The following KIAA1328 variants were observed in gnomAD, a reference collection of about 807,000 sequenced individuals.
KIAA1328 encodes the protein KIAA1328, also known as protein hinderin.
In KIAA1328, 52 loss-of-function variants were observed where a neutral mutation model predicts 68.1. The ratio of observed to expected loss-of-function variants is 0.76; its 90% confidence interval spans 0.61 to 0.96. KIAA1328 has a LOEUF of 0.96. KIAA1328 is among the 40% of genes least tolerant of loss of function. The pLI is 0.00. For missense variants in KIAA1328, 641 were observed against 677.6 expected (o/e 0.95, Z 0.60); for synonymous variants, 232 against 239.4 (o/e 0.97, Z 0.28).
rs2053660414 is a variant in KIAA1328 at position 37,003,383 on chromosome 18, A to T, written c.576+43948A>T. ...CCTGCACGGCACTAAAGAAGTAATC[A>T]ACAGAGTAATCAGACAACCTGTTGA... On this transcript the variant is annotated intron_variant, in intron 6 of 9. Coordinates refer to ENST00000280020, the MANE Select transcript of KIAA1328 (RefSeq NM_020776.3). Among the ~76,000 whole-genome samples, 3 of 152,244 alleles carry T rather than the reference A, an allele frequency of 2.0e-5. No individual in the cohort carries two copies. In the East Asian group the frequency reaches 5.8e-4, roughly 29 times the overall value.
intron 5 of KIAA1328, among the ~76,000 whole-genome samples, chr18:36,917,022 A>T (rs898327412): frequency 3.9e-5 from 6 of 152,164 alleles, no homozygotes; most frequent in African/African-American, 1.4e-4. Context: ...AACAAAAAAA[A>T]TCTTAGCATC....
At chr18:36,934,262 A>T (rs1025182598) in intron 5 of KIAA1328, among the ~76,000 whole-genome samples, 2 of 151,894 alleles carry the variant, frequency 1.3e-5, no homozygotes, top group Non-Finnish European at 2.9e-5. Flanking sequence ...CTCTCTGGAA[A>T]TTGGCTCAGA....
At chr18:37,020,550 T>A (rs2054309227) in intron 6 of KIAA1328, among the ~76,000 whole-genome samples, 1 of 152,236 alleles carries the variant, frequency 6.6e-6, no homozygotes. Flanking sequence ...GAACAGGAAT[T>A]TTTCAGAATG....
intron 7 of KIAA1328, among the ~76,000 whole-genome samples, chr18:37,149,210 C>T (rs1459232907): frequency 6.6e-6 from 1 of 152,104 alleles, no homozygotes; most frequent in Non-Finnish European, 1.5e-5. Context: ...GGTACAAAGA[C>T]AAACACATGG....
chr18:36,990,579 G>A (rs1228576178), intron 6 of KIAA1328, among the ~76,000 whole-genome samples: 2 of 151,960 alleles, frequency 1.3e-5, no homozygotes, highest in African/African-American at 4.8e-5. Flanking sequence ...GCTGAGGCAG[G>A]AGAATTGCTT....
chr18:36,901,447 T>C (rs1194921339), intron 5 of KIAA1328, among the ~76,000 whole-genome samples: 1 of 152,056 alleles, frequency 6.6e-6, no homozygotes, highest in Admixed American at 6.6e-5. Context: ...CCAACACTTG[T>C]GGATGCTTTT....
intron 6 of KIAA1328, among the ~76,000 whole-genome samples, chr18:37,040,404 C>G (rs1165490882): frequency 6.6e-6 from 1 of 152,092 alleles, no homozygotes; most frequent in Non-Finnish European, 1.5e-5. Context: ...TCTATAAGGT[C>G]AGCAGTCTGA....
chr18:37,102,453 T>C (rs2057650372), intron 7 of KIAA1328, among the ~76,000 whole-genome samples: 1 of 152,166 alleles, frequency 6.6e-6, no homozygotes, highest in Admixed American at 6.5e-5. Context: ...AAATGTGGTA[T>C]ATCACATCAA....
intron 6 of KIAA1328, among the ~76,000 whole-genome samples, chr18:37,037,002 A>C (rs987999155): frequency 6.6e-6 from 1 of 152,138 alleles, no homozygotes; most frequent in African/African-American, 2.4e-5. Flanking sequence ...TAATTTTTTG[A>C]ATTTTCATCA....
At chr18:37,063,526 C>T (rs2056232187) in intron 6 of KIAA1328, 1 of 420,254 alleles carries the variant, frequency 2.4e-6, no homozygotes, top group South Asian at 1.0e-4. Flanking sequence ...CACAGGTCCT[C>T]CCTACACTCA....
chr18:37,024,711 C>T (rs2054495424), intron 6 of KIAA1328, among the ~76,000 whole-genome samples: 1 of 152,128 alleles, frequency 6.6e-6, no homozygotes, highest in African/African-American at 2.4e-5. Flanking sequence ...ATGAACTCAT[C>T]ATTTTTTATT....
At chr18:37,082,720 A>G (rs1024632660) in intron 7 of KIAA1328, among the ~76,000 whole-genome samples, 1 of 152,238 alleles carries the variant, frequency 6.6e-6, no homozygotes, top group African/African-American at 2.4e-5. Context: ...TTGTTACTAC[A>G]TGATTGCCGA....
chr18:37,131,258 G>C (rs1174438395), intron 7 of KIAA1328, among the ~76,000 whole-genome samples: 1 of 152,138 alleles, frequency 6.6e-6, no homozygotes, highest in Non-Finnish European at 1.5e-5. Flanking sequence ...TTAGCAAATA[G>C]TTTTGCCTAT....
chr18:37,216,581 C>T (rs1334332435), intron 9 of KIAA1328, among the ~76,000 whole-genome samples: 1 of 152,000 alleles, frequency 6.6e-6, no homozygotes, highest in Non-Finnish European at 1.5e-5. Context: ...AAATGTGATG[C>T]GGTGCTGAGA....
At chr18:36,912,123 A>G (rs1358023425) in intron 5 of KIAA1328, among the ~76,000 whole-genome samples, 1 of 152,132 alleles carries the variant, frequency 6.6e-6, no homozygotes, top group Admixed American at 6.6e-5. Context: ...GTTTATATGC[A>G]TTCTTGAAAG....
intron 7 of KIAA1328, among the ~76,000 whole-genome samples, chr18:37,084,953 GCC>G (rs2057059121): frequency 6.6e-6 from 1 of 152,066 alleles, no homozygotes; most frequent in Non-Finnish European, 1.5e-5. Flanking sequence ...TGTGGAGCCA[GCC>G]CAGCACTGGA....
chr18:37,102,998 A>C (rs994652136), intron 7 of KIAA1328, among the ~76,000 whole-genome samples: 7 of 152,204 alleles, frequency 4.6e-5, no homozygotes, highest in Non-Finnish European at 8.8e-5. Context: ...CAAGACCTCA[A>C]CGAGGAAAGT....
At chr18:36,987,918 T>C (rs949658061) in intron 6 of KIAA1328, among the ~76,000 whole-genome samples, 15 of 152,206 alleles carry the variant, frequency 9.9e-5, no homozygotes, top group Non-Finnish European at 1.6e-4. Flanking sequence ...AGAGCAATTG[T>C]CCAGCCCTAG....
intron 9 of KIAA1328, among the ~76,000 whole-genome samples, chr18:37,187,895 C>T (rs1383324346): frequency 1.3e-5 from 2 of 152,100 alleles, no homozygotes; most frequent in Non-Finnish European, 2.9e-5. Flanking sequence ...CCTGGTGTAA[C>T]CTAATGAAGT....
Sources: allele counts gnomAD v4.1 joint callset (sites outside exome capture counted in the v4.1 genomes callset), GRCh38; gene constraint gnomAD v4.1.1; transcripts MANE v1.5; gene names NCBI Gene and HGNC (gene_info 2026-07-23, HGNC 2026-07-21).